Variants in SHQ1 observed in about 807,000 individuals in gnomAD.
The protein encoded by SHQ1 is SHQ1, H/ACA ribonucleoprotein assembly factor, also known as protein SHQ1 homolog.
In SHQ1, 49 loss-of-function variants were observed where a neutral mutation model predicts 53.8. The ratio of observed to expected loss-of-function variants is 0.91; its 90% confidence interval spans 0.72 to 1.16. SHQ1 has a LOEUF of 1.16. Among genes scored for constraint, SHQ1 ranks in the 50% most tolerant of loss-of-function variants. The pLI is 0.00. For synonymous variants in SHQ1, 243 were observed against 251.0 expected (o/e 0.97, Z 0.30); for missense variants, 738 against 683.1 (o/e 1.08, Z -0.90).
intron 4 of SHQ1, among the ~76,000 whole-genome samples, chr3:72,837,801 T>C (rs1409126727): frequency 1.3e-5 from 2 of 152,250 alleles, no homozygotes; most frequent in Non-Finnish European, 2.9e-5. Flanking sequence ...GAACCACTTG[T>C]TACGGCTGCC....
chr3:72,793,125 C>T (rs1453673205), intron 9 of SHQ1, 89 bp from the exon 10 acceptor site: 1 of 1,166,024 alleles, frequency 8.6e-7, no homozygotes, highest in Non-Finnish European at 1.2e-6. Flanking sequence ...GCTCAGAATC[C>T]TGATCATTTC....
At chr3:72,783,669 T>C (rs140128310) in intron 10 of SHQ1, among the ~76,000 whole-genome samples, 118 of 152,350 alleles carry the variant, frequency 7.7e-4, no homozygotes, top group African/African-American at 2.6e-3. Flanking sequence ...ATGGTACATA[T>C]GTAAGTAAAA....
chr3:72,811,327 C>T (rs960514748), intron 9 of SHQ1, among the ~76,000 whole-genome samples: 8 of 152,078 alleles, frequency 5.3e-5, no homozygotes, highest in African/African-American at 1.9e-4. Context: ...TCTAGCATGA[C>T]TTAAAAAAGA....
chr3:72,796,101 C>CAAAAAAAAAAAA (rs555086403), intron 9 of SHQ1, among the ~76,000 whole-genome samples: 11 of 40,420 alleles, frequency 2.7e-4, no homozygotes, highest in East Asian at 7.4e-4. Flanking sequence ...GACTCCATCT[C>CAAAAAAAAAAAA]AAAAAAAAAA....
At chr3:72,745,902 G>A (rs1705251013), downstream of SHQ1, among the ~76,000 whole-genome samples, 1 of 151,418 alleles carries the variant, frequency 6.6e-6, no homozygotes, top group Non-Finnish European at 1.5e-5. Flanking sequence ...GAGTGCAGTG[G>A]CACAATCTCG....
chr3:72,797,361 G>A (rs868240078), intron 9 of SHQ1, among the ~76,000 whole-genome samples: 11 of 152,180 alleles, frequency 7.2e-5, no homozygotes, highest in African/African-American at 2.4e-4. Context: ...AAATATGTGA[G>A]AGCCCATCAT....
the SHQ1 span, among the ~76,000 whole-genome samples, chr3:72,735,750 A>AAGGAAGGAAGGCAGGCAGGCAGGC: frequency 1.6e-5 from 2 of 122,544 alleles, no homozygotes; most frequent in African/African-American, 6.5e-5. Flanking sequence ...GGAAGGAAGG[A>AAGGAAGGAAGGCAGGCAGGCAGGC]AGGCAGGCAG....
chr3:72,802,138 G>C (rs1190856457), intron 9 of SHQ1, among the ~76,000 whole-genome samples: 5 of 152,316 alleles, frequency 3.3e-5, no homozygotes, highest in Non-Finnish European at 7.3e-5. Flanking sequence ...CATATGAAAA[G>C]GGAAGGAGGA....
At chr3:72,803,892 T>G (rs1357680683) in intron 9 of SHQ1, among the ~76,000 whole-genome samples, 28 of 152,186 alleles carry the variant, frequency 1.8e-4, no homozygotes, top group Admixed American at 1.8e-3. Context: ...GGATTTGGCC[T>G]GTGGATGGCC....
intron 8 of SHQ1, chr3:72,814,602 A>G (rs1707249196): frequency 6.6e-6 from 1 of 152,254 alleles, no homozygotes; most frequent in Non-Finnish European, 1.5e-5. Flanking sequence ...TTGATTTTAC[A>G]GCTTAAAAAA....
the SHQ1 span, among the ~76,000 whole-genome samples, chr3:72,728,428 C>T: frequency 1.3e-5 from 2 of 152,260 alleles, no homozygotes; most frequent in South Asian, 2.1e-4. Flanking sequence ...ACTAGAGGCC[C>T]GAGGCAGCTA....
At chr3:72,772,639 A>G (rs1575683618) in intron 10 of SHQ1, 5 of 707,752 alleles carry the variant, frequency 7.1e-6, no homozygotes, top group Middle Eastern at 2.4e-4. Context: ...ACAAAAGGAA[A>G]CAGAAGATGT....
Position 72,802,932 on chromosome 3 carries a change from T to C in SHQ1, c.1060+9739A>G, listed in dbSNP as rs192663365. Among the ~76,000 whole-genome samples, 50 of 152,282 alleles carry C rather than the reference T, an allele frequency of 3.3e-4. 1 individual carries two copies. The East Asian group carries it at 7.1e-3, about 22-fold the overall frequency. On this transcript the variant is annotated intron_variant, in intron 9 of 10. Coordinates refer to ENST00000325599, the MANE Select transcript of SHQ1 (RefSeq NM_018130.3). ...AAAAGCTTTCTGGTATTAACTACATTAGACAATGCGGGACATCTCTTACCT... is the reference window on the plus strand; with the variant it reads ...AAAAGCTTTCTGGTATTAACTACATCAGACAATGCGGGACATCTCTTACCT...
At chr3:72,745,043 A>G (rs1295167483), downstream of SHQ1, among the ~76,000 whole-genome samples, 1 of 151,828 alleles carries the variant, frequency 6.6e-6, no homozygotes, top group Non-Finnish European at 1.5e-5. Context: ...CATTTATTTT[A>G]GAGATATCTG....
At chr3:72,779,581 G>A (rs150259312) in intron 10 of SHQ1, among the ~76,000 whole-genome samples, 29 of 152,240 alleles carry the variant, frequency 1.9e-4, no homozygotes, top group African/African-American at 7.0e-4. Flanking sequence ...GTTTACCATT[G>A]GCAGGCCCCT....
At chr3:72,773,229 G>A (rs993864509) in intron 10 of SHQ1, 36 of 701,470 alleles carry the variant, frequency 5.1e-5, no homozygotes, top group Admixed American at 4.2e-4. Context: ...CATCTTCAAC[G>A]AGAGAAAGAG....
chr3:72,749,860 C>T lies in SHQ1; in HGVS notation c.*424G>A, dbSNP rs1258606346. ...TGAAAAACAATGTCATAAAGTTGTCCCCGTATCTGTGGGGGGTTGGTTCCA... is the reference window on the plus strand; with the variant it reads ...TGAAAAACAATGTCATAAAGTTGTCTCCGTATCTGTGGGGGGTTGGTTCCA... On this transcript the variant is annotated 3_prime_UTR_variant, in exon 11 of 11. Transcript: ENST00000325599. 4.4e-6 allele frequency: 1 copy of T among 226,022 alleles called. No homozygotes were observed. The highest frequency in any genetic ancestry group is 2.2e-5 in the African/African-American group (1 of 44,822). The allele number at this position is 226,022 out of a possible 1,614,324, so 14.0% of individuals were successfully genotyped here.
intron 10 of SHQ1, among the ~76,000 whole-genome samples, chr3:72,758,558 CTATTTTT>C (rs1705545501): frequency 6.9e-6 from 1 of 145,306 alleles, no homozygotes; most frequent in East Asian, 2.0e-4. Flanking sequence ...CCTGAGGCTA[CTATTTTT>C]TCTTTTTTTT....
the SHQ1 span, among the ~76,000 whole-genome samples, chr3:72,729,869 G>A: frequency 1.1e-4 from 16 of 152,262 alleles, no homozygotes; most frequent in African/African-American, 3.9e-4. Flanking sequence ...CCAGGCTGGA[G>A]TGCAGTGGCG....
Sources: allele counts gnomAD v4.1 joint callset (sites outside exome capture counted in the v4.1 genomes callset), GRCh38; gene constraint gnomAD v4.1.1; transcripts MANE v1.5; gene names NCBI Gene and HGNC (gene_info 2026-07-23, HGNC 2026-07-21).